ACSL3: variants seen among roughly 807,000 people sequenced by gnomAD.
ACSL3 encodes fatty acid CoA ligase Acsl3.
ACSL3 carries 34 observed loss-of-function variants against 84.7 expected under a neutral mutation model. That is an observed-to-expected ratio of 0.40 (90% CI 0.31 to 0.53). ACSL3 has a LOEUF of 0.53. Among genes scored for constraint, ACSL3 ranks in the 20% least tolerant of loss-of-function variants. The pLI, the probability that ACSL3 is intolerant of heterozygous loss-of-function variation, is 0.48. For missense variants in ACSL3, 680 were observed against 873.1 expected (o/e 0.78, Z 2.79); for synonymous variants, 315 against 299.4 (o/e 1.05, Z -0.54).
chr2:222,923,797 C>CGTAGTTTG (rs397732386), intron 10 of ACSL3, among the ~76,000 whole-genome samples: 2 of 151,928 alleles, frequency 1.3e-5, no homozygotes, highest in Non-Finnish European at 1.5e-5. Flanking sequence ...TCAGTAGTTT[C>CGTAGTTTG]TTTCTATAAT....
At chr2:222,862,483 G>GT (rs1695039220) in intron 1 of ACSL3, among the ~76,000 whole-genome samples, 1 of 151,618 alleles carries the variant, frequency 6.6e-6, no homozygotes, top group Non-Finnish European at 1.5e-5. Flanking sequence ...AACCTATTTT[G>GT]TTTCCCCAAA....
At chr2:222,902,836 A>G (rs1696185904) in intron 3 of ACSL3, among the ~76,000 whole-genome samples, 1 of 152,206 alleles carries the variant, frequency 6.6e-6, no homozygotes, top group Non-Finnish European at 1.5e-5. Context: ...TTCAGAAAGA[A>G]TCAGTCAGGA....
At chr2:222,885,811 C>G (rs538958246) in intron 1 of ACSL3, among the ~76,000 whole-genome samples, 1 of 151,934 alleles carries the variant, frequency 6.6e-6, no homozygotes, top group African/African-American at 2.4e-5. Context: ...GGCATGATCT[C>G]GGCTTAACGC....
intron 15 of ACSL3, among the ~76,000 whole-genome samples, chr2:222,933,967 T>A (rs1290385248): frequency 6.6e-6 from 1 of 152,224 alleles, no homozygotes; most frequent in Non-Finnish European, 1.5e-5. Flanking sequence ...CTGGATTTAT[T>A]CATGTGATAG....
intron 1 of ACSL3, among the ~76,000 whole-genome samples, chr2:222,865,243 A>G (rs1232303073): frequency 1.3e-5 from 2 of 152,178 alleles, no homozygotes; most frequent in South Asian, 2.1e-4. Context: ...TTATTGGAAT[A>G]TGTTTATTTA....
At chr2:222,939,206 A>G (rs953182620) in intron 16 of ACSL3, among the ~76,000 whole-genome samples, 1 of 152,094 alleles carries the variant, frequency 6.6e-6, no homozygotes, top group African/African-American at 2.4e-5. Flanking sequence ...GGATGTCAGC[A>G]TTTGAAAAAT....
At position 222,920,872 on chromosome 2, in the gene ACSL3, C is replaced by T. The variant is rs1428187776; in HGVS notation, c.806-408C>T. On this transcript the variant is annotated intron_variant, in intron 7 of 16. Transcript: ENST00000357430. ...TTAGATATGCTGAGCACATTCCTAC[C>T]TTTGGGTCTTTGCATTTGCTTATTT... is the stretch of plus-strand genomic sequence containing the variant. 6 of 429,216 alleles carry T rather than the reference C, an allele frequency of 1.4e-5. No homozygotes were observed. In the East Asian group the frequency reaches 4.2e-4, roughly 30 times the overall value. The allele number at this position is 429,216 out of a possible 1,614,324, so 26.6% of individuals were successfully genotyped here. A position where few individuals can be genotyped will look rare whatever the true frequency, so the allele number is the denominator to read the frequency against.
intron 13 of ACSL3, among the ~76,000 whole-genome samples, chr2:222,930,051 C>T (rs941472728): frequency 4.5e-4 from 68 of 151,508 alleles, no homozygotes; most frequent in African/African-American, 1.6e-3. Flanking sequence ...GCCTCAGCCT[C>T]CCTAATAGCT....
At chr2:222,909,265 GT>G (rs1162319546) in intron 4 of ACSL3, 115 bp downstream of exon 4, 1 of 1,024,102 alleles carries the variant, frequency 9.8e-7, no homozygotes, top group African/African-American at 1.6e-5. Context: ...AGGAGAAGCA[GT>G]GTAGGAAGGG....
intron 16 of ACSL3, 146 bp downstream of exon 16, chr2:222,934,833 T>C (rs1574568722): frequency 1.3e-6 from 1 of 783,246 alleles, no homozygotes. Flanking sequence ...AACTTATCAG[T>C]CCCCCATTCA....
chr2:222,871,723 A>G (rs1195853274), intron 1 of ACSL3, among the ~76,000 whole-genome samples: 2 of 152,152 alleles, frequency 1.3e-5, no homozygotes, highest in African/African-American at 2.4e-5. Flanking sequence ...CTTTCAGGGG[A>G]CAAGAGAAGA....
chr2:222,939,076 T>C (rs1697242031), intron 16 of ACSL3, among the ~76,000 whole-genome samples: 2 of 152,222 alleles, frequency 1.3e-5, no homozygotes, highest in African/African-American at 4.8e-5. Flanking sequence ...TTATGACGGT[T>C]ATTTTGAATT....
chr2:222,886,812 G>T (rs753017698), intron 1 of ACSL3, among the ~76,000 whole-genome samples: 5 of 151,982 alleles, frequency 3.3e-5, no homozygotes, highest in Admixed American at 6.6e-5. Flanking sequence ...AAGGTGCAGA[G>T]ATTTCTCATA....
chr2:222,924,029 A>G (rs1248762103), intron 10 of ACSL3, among the ~76,000 whole-genome samples: 5 of 152,230 alleles, frequency 3.3e-5, no homozygotes, highest in Non-Finnish European at 7.3e-5. Context: ...TTTTGTGAGC[A>G]AAGAATGTGG....
At chr2:222,930,149 C>CA (rs1329957979) in intron 13 of ACSL3, among the ~76,000 whole-genome samples, 1 of 151,964 alleles carries the variant, frequency 6.6e-6, no homozygotes, top group Non-Finnish European at 1.5e-5. Flanking sequence ...AGGCTGACCT[C>CA]AAACTCCTGA....
chr2:222,900,844 A>G (rs1433684145), intron 3 of ACSL3, 64 bp downstream of exon 3: 5 of 152,068 alleles, frequency 3.3e-5, no homozygotes, highest in African/African-American at 1.2e-4. Flanking sequence ...CTGCCTTCAC[A>G]TTGTCTTCTA....
intron 14 of ACSL3, among the ~76,000 whole-genome samples, chr2:222,931,376 T>A (rs940790246): frequency 6.7e-6 from 1 of 150,144 alleles, no homozygotes; most frequent in East Asian, 2.0e-4. Flanking sequence ...ATCGCGACAC[T>A]GCACTCCAAC....
Position 222,916,427 on chromosome 2 carries a change from G to T in ACSL3, c.487G>T (p.Ala163Ser), listed in dbSNP as rs149372861. The change falls in exon 5 of 17, where the codon GCC becomes TCC. Residue 163 changes from alanine to serine, a missense_variant. Coordinates refer to ENST00000357430, the MANE Select transcript of ACSL3 (RefSeq NM_004457.5). ...MLGQKPKTNI[A>S]IFCETRAEWM... ...GGGTCAGAAACCAAAGACCAACATC[G>T]CCATCTTCTGTGAGACCAGGGCCGA... 16 of 1,613,932 alleles carry T rather than the reference G, an allele frequency of 9.9e-6. No individual in the cohort carries two copies. The Admixed American group carries it at 1.7e-4, about 17-fold the overall frequency.
intron 16 of ACSL3, among the ~76,000 whole-genome samples, chr2:222,938,147 T>G (rs181903650): frequency 2.0e-5 from 3 of 152,302 alleles, no homozygotes; most frequent in African/African-American, 7.2e-5. Context: ...TAATTACTTT[T>G]TATGTCTTTG....
Sources: allele counts gnomAD v4.1 joint callset (sites outside exome capture counted in the v4.1 genomes callset), GRCh38; gene constraint gnomAD v4.1.1; transcripts MANE v1.5; gene names NCBI Gene and HGNC (gene_info 2026-07-23, HGNC 2026-07-21).